The following RELN variants were observed in gnomAD, a reference collection of about 807,000 sequenced individuals.
The protein encoded by RELN is reelin.
RELN carries 108 observed loss-of-function variants against 427.6 expected under a neutral mutation model. That is an observed-to-expected ratio of 0.25 (90% CI 0.22 to 0.30). RELN has a LOEUF of 0.30. Ranked by LOEUF, RELN falls within the 10% of genes least tolerant of loss-of-function variation. RELN has a pLI of 1.00. For missense variants in RELN, 3,715 were observed against 4,302.8 expected, an observed-to-expected ratio of 0.86 and a Z score of 3.82; for synonymous variants, 1,524 against 1,513.4, an observed-to-expected ratio of 1.01 and a Z score of -0.16.
intron 36 of RELN, among the ~76,000 whole-genome samples, chr7:103,559,470 A>C (rs1830594522): frequency 6.6e-6 from 1 of 152,182 alleles, no homozygotes; most frequent in Non-Finnish European, 1.5e-5. Context: ...CTAGTAATTC[A>C]CTGCTCTGTT....
intron 38 of RELN, 68 bp downstream of exon 38, chr7:103,556,909 A>G: frequency 7.7e-7 from 1 of 1,304,814 alleles, no homozygotes; most frequent in Non-Finnish European, 1.1e-6. Flanking sequence ...CTTCCTCCAC[A>G]CCTTAGAAAC....
At chr7:103,931,663 A>G (rs1012331915) in intron 1 of RELN, among the ~76,000 whole-genome samples, 7 of 152,198 alleles carry the variant, frequency 4.6e-5, no homozygotes, top group Admixed American at 1.3e-4. Context: ...TTTCCTGCCA[A>G]TTTTGTGATA....
At chr7:103,793,095 C>T (rs1792207033) in intron 3 of RELN, among the ~76,000 whole-genome samples, 1 of 152,006 alleles carries the variant, frequency 6.6e-6, no homozygotes, top group Non-Finnish European at 1.5e-5. Flanking sequence ...TCAATTGAAC[C>T]AAAGTTGAAT....
chr7:103,725,412 G>C (rs1394115570), intron 7 of RELN, among the ~76,000 whole-genome samples: 1 of 143,298 alleles, frequency 7.0e-6, no homozygotes, highest in Non-Finnish European at 1.5e-5. Context: ...AAAATTAGCT[G>C]GGTGTGGTGG....
At position 103,519,313 on chromosome 7, in the gene RELN, G is replaced by A. The variant is rs778110918; in HGVS notation, c.7862+10C>T. 23 of 1,603,274 alleles carry A rather than the reference G, an allele frequency of 1.4e-5. 1 individual carries two copies. In the Admixed American group the frequency reaches 2.5e-4, roughly 17 times the overall value. On this transcript the variant is annotated intron_variant, in intron 49 of 64. Coordinates refer to ENST00000428762, the MANE Select transcript of RELN (RefSeq NM_005045.4). Reference sequence around the variant, plus strand: ...TGTACTCGTTATTAGATATCAAATCGAATACAAACCCGGGCTTACTGTACT... The same window carrying A: ...TGTACTCGTTATTAGATATCAAATCAAATACAAACCCGGGCTTACTGTACT...
intron 2 of RELN, among the ~76,000 whole-genome samples, chr7:103,877,698 T>C (rs57460337): frequency 0.15 from 22,234 of 151,878 alleles, 1,907 homozygotes; most frequent in East Asian, 0.34. Context: ...CTGACTCTAG[T>C]TTTTTTCTCA....
At position 103,648,960 on chromosome 7, in the gene RELN, GA is replaced by G. The variant is rs1439502756; in HGVS notation, c.2002+1313del. Among the ~76,000 whole-genome samples, 8 of 151,932 alleles carry G rather than the reference GA, an allele frequency of 5.3e-5. No homozygotes were observed. In the East Asian group the frequency reaches 1.4e-3, roughly 26 times the overall value. On this transcript the variant is annotated intron_variant, in intron 16 of 64. Transcript: ENST00000428762. ...AACAGATACTGGTGAGGACGTGGGG[GA>G]AAAGGAAACTCTTAGACACTTTTGG...
chr7:103,521,875 T>C, intron 48 of RELN, 147 bp downstream of exon 48: 2 of 741,620 alleles, frequency 2.7e-6, no homozygotes, highest in South Asian at 3.0e-5. Flanking sequence ...TAAAGATTTG[T>C]ATAAAGTTGC....
Position 103,953,510 on chromosome 7 carries a change from A to T in RELN, c.226+35621T>A, listed in dbSNP as rs1123034. ...GTGCTGATATTTTTAAGGCACTGGT[A>T]GGGGGACATACACACACACAGAATT... On this transcript the variant is annotated intron_variant, in intron 1 of 64. Coordinates refer to ENST00000428762, the MANE Select transcript of RELN (RefSeq NM_005045.4). The surrounding 1 kb of genome is among the most constrained non-coding windows in gnomAD (Gnocchi z 4.3). 0.61 allele frequency among the ~76,000 whole-genome samples: 93,430 copies of T among 152,120 alleles called. 29,037 individuals are homozygous for T. Among genetic ancestry groups the T allele is most frequent in the Middle Eastern group, 0.71 (207 of 292 alleles).
Position 103,654,145 on chromosome 7 carries a change from T to C in RELN, c.1502A>G (p.Glu501Gly). 6.2e-7 allele frequency: 1 copy of C among 1,610,976 alleles called. No individual in the cohort carries two copies. Among genetic ancestry groups the C allele is most frequent in the Non-Finnish European group, 8.5e-7 (1 of 1,177,632 alleles). Residue 501 changes from glutamate (E) to glycine (G), a missense_variant, in exon 13 of 65, where the codon GAA becomes GGA. Glu to Gly is a moderately conservative substitution (Grantham distance 98). Coordinates refer to ENST00000428762, the MANE Select transcript of RELN (RefSeq NM_005045.4). Reference sequence around the variant, plus strand: ...CAGTGTTATATGCTCTTTTCTTCCTTCAATTTTTGCATACAGGATTATGTC... The same window carrying C: ...CAGTGTTATATGCTCTTTTCTTCCTCCAATTTTTGCATACAGGATTATGTC... Reference protein sequence around the residue: ...ENDIILYAKIEGRKEHITLDT... With the variant: ...ENDIILYAKIGGRKEHITLDT...
rs138203729 is a variant in RELN, at chr7:103,739,723, G to A, written c.656+9703C>T. The stretch of plus-strand genomic sequence containing the variant: ...CATTCAAACAAGTCAATCAGCAGCC[G>A]CTGGGGGAGTGGGGATATGAAGGGC... On this transcript the variant is annotated intron_variant, in intron 6 of 64. Transcript: ENST00000428762. Among the ~76,000 whole-genome samples, 740 of 152,290 alleles carry A rather than the reference G, an allele frequency of 4.9e-3. 3 individuals carry two copies. Among genetic ancestry groups the A allele is most frequent in the African/African-American group, 0.017 (690 of 41,544 alleles).
intron 6 of RELN, among the ~76,000 whole-genome samples, chr7:103,740,614 AT>A (rs959628535): frequency 1.3e-5 from 2 of 152,138 alleles, no homozygotes; most frequent in African/African-American, 4.8e-5. Context: ...TATGTTCCTC[AT>A]TTTTTATGTA....
chr7:103,847,221 T>G lies in RELN; in HGVS notation c.338-13549A>C, dbSNP rs867001838. ...AAAGAAAATGTGGCACATATACACC[T>G]GGAATACTATGCAGCCATAAAAGGA... On this transcript the variant is annotated intron_variant, in intron 2 of 64. Transcript: ENST00000428762. 2.0e-5 allele frequency among the ~76,000 whole-genome samples: 3 copies of G among 152,250 alleles called. 1 individual carries two copies. The highest frequency in any genetic ancestry group is 7.2e-5 in the African/African-American group (3 of 41,554).
chr7:103,792,336 A>G (rs2116275665), intron 3 of RELN, among the ~76,000 whole-genome samples: 1 of 152,332 alleles, frequency 6.6e-6, no homozygotes, highest in South Asian at 2.1e-4. Flanking sequence ...TCCACAGATG[A>G]TTGGCTAAAT....
chr7:103,672,117 T>A (rs1371766853), intron 11 of RELN, among the ~76,000 whole-genome samples: 1 of 152,122 alleles, frequency 6.6e-6, no homozygotes, highest in Non-Finnish European at 1.5e-5. Flanking sequence ...TCTAAAGAAA[T>A]TTCAGCCTAT....
intron 20 of RELN, among the ~76,000 whole-genome samples, chr7:103,615,310 A>G (rs1832055530): frequency 6.6e-6 from 1 of 152,154 alleles, no homozygotes; most frequent in Non-Finnish European, 1.5e-5. Context: ...AATGGATAAG[A>G]GCTTAGTAGA....
chr7:103,731,742 G>T (rs1790360449), intron 6 of RELN, among the ~76,000 whole-genome samples: 1 of 152,052 alleles, frequency 6.6e-6, no homozygotes. Flanking sequence ...AGGTGGGATG[G>T]AGCAAAGTGG....
chr7:103,682,905 A>G (rs1454725605), intron 10 of RELN, among the ~76,000 whole-genome samples: 1 of 152,122 alleles, frequency 6.6e-6, no homozygotes, highest in Non-Finnish European at 1.5e-5. Flanking sequence ...TAAGGAAAAT[A>G]TATTTCTTGT....
At chr7:103,795,207 AAC>A (rs1792271349) in intron 3 of RELN, among the ~76,000 whole-genome samples, 3 of 152,222 alleles carry the variant, frequency 2.0e-5, no homozygotes, top group Admixed American at 6.5e-5. Flanking sequence ...AGATTTGACA[AAC>A]ACACACTCTG....
Sources: gnomAD v4.1 joint callset for allele counts (sites outside exome capture counted in the v4.1 genomes callset) on GRCh38, gnomAD v4.1.1 for gene constraint, Gnocchi (gnomAD v3.1) non-coding constraint, MANE v1.5 for transcripts, NCBI Gene and HGNC (gene_info 2026-07-23, HGNC 2026-07-21) for gene names.